Variants in ZNF638 observed in about 807,000 individuals in gnomAD.
The protein encoded by ZNF638 is CTCL tumor antigen se33-1.
A neutral mutation model predicts 195.6 loss-of-function variants in ZNF638; 46 were observed. That is an observed-to-expected ratio of 0.24 (90% CI 0.19 to 0.30). ZNF638 has a LOEUF of 0.30. ZNF638 is among the 10% of genes least tolerant of loss of function. The pLI, the probability that ZNF638 is intolerant of heterozygous loss-of-function variation, is 1.00. For synonymous variants in ZNF638, 845 were observed against 772.0 expected, an observed-to-expected ratio of 1.09 and a Z score of -1.57; for missense variants, 2,440 against 2,325.3, an observed-to-expected ratio of 1.05 and a Z score of -1.01.
chr2:71,424,241 G>T (rs1403440408), intron 22 of ZNF638, among the ~76,000 whole-genome samples: 1 of 150,528 alleles, frequency 6.6e-6, no homozygotes, highest in African/African-American at 2.5e-5. Context: ...ATAATTTATT[G>T]ACATGTTTGA....
At position 71,426,539 on chromosome 2, in the gene ZNF638, A is replaced by G. The variant is rs535880052; in HGVS notation, c.4670A>G (p.Lys1557Arg). The G allele has an allele frequency of 1.2e-6, 2 of 1,613,986 alleles. No homozygotes were observed. The highest frequency in any genetic ancestry group is 2.2e-5 in the East Asian group (1 of 44,874). ...GAAGAAGTGAATCCTTCTCAGGCCA[A>G]GCAGAATCCACTAAAGGGAAAAAGG... Reference protein sequence around the residue: ...VIEEVNPSQAKQNPLKGKRKE... With the variant: ...VIEEVNPSQARQNPLKGKRKE... The change falls in exon 24 of 28, where the codon AAG (lysine) becomes AGG (arginine). Residue 1557 changes from lysine to arginine, a missense_variant. Physicochemically the swap from Lys to Arg is conservative, Grantham distance 26. This residue lies in a region of ZNF638 where 1,883 missense variants were observed against 1,739.1 expected (regional missense o/e 1.08). Coordinates refer to ENST00000264447, the MANE Select transcript of ZNF638 (RefSeq NM_014497.5).
chr2:71,348,412 C>CT lies in ZNF638; in HGVS notation c.-202-333dup, dbSNP rs568414150. 67 of 998,068 alleles carry CT rather than the reference C, an allele frequency of 6.7e-5. No homozygotes were observed. In the Admixed American group the frequency reaches 1.0e-3, roughly 16 times the overall value. The allele number at this position is 998,068 out of a possible 1,614,324, so 61.8% of individuals were successfully genotyped here. On this transcript the variant is annotated intron_variant, in intron 1 of 27. Transcript: ENST00000264447. ...TTTATAAGTATTTTAATGCCTTCAT[C>CT]TTTTTTTTCCCCAGTATTACAGCGT...
intron 21 of ZNF638, among the ~76,000 whole-genome samples, chr2:71,419,337 T>A (rs1224153303): frequency 6.6e-6 from 1 of 152,222 alleles, no homozygotes; most frequent in Non-Finnish European, 1.5e-5. Flanking sequence ...TCCTGTATAC[T>A]GAGTCATCAA....
intron 6 of ZNF638, among the ~76,000 whole-genome samples, chr2:71,366,746 CAGTTCAGAAGTCAAATA>C (rs2079207123): frequency 6.6e-6 from 1 of 152,132 alleles, no homozygotes; most frequent in South Asian, 2.1e-4. Context: ...TTTTGTGGTA[CAGTTCAGAAGTCAAATA>C]CTCTGTTGTA....
intron 10 of ZNF638, among the ~76,000 whole-genome samples, chr2:71,385,050 A>T (rs745342246): frequency 6.6e-6 from 1 of 152,162 alleles, no homozygotes; most frequent in Non-Finnish European, 1.5e-5. Flanking sequence ...GAAATGAGAA[A>T]AGGTGGGGGA....
chr2:71,387,598 G>C (rs937785659), intron 10 of ZNF638, among the ~76,000 whole-genome samples: 1 of 152,036 alleles, frequency 6.6e-6, no homozygotes, highest in Non-Finnish European at 1.5e-5. Flanking sequence ...CTGAACCTGG[G>C]AGGTGGAGGT....
chr2:71,370,219 C>T (rs1000474022), intron 8 of ZNF638, among the ~76,000 whole-genome samples: 10 of 152,168 alleles, frequency 6.6e-5, no homozygotes, highest in African/African-American at 2.2e-4. Context: ...GGAGAAAATA[C>T]TTGCCATATA....
intron 10 of ZNF638, among the ~76,000 whole-genome samples, chr2:71,389,699 G>A (rs1194968446): frequency 2.0e-5 from 3 of 152,164 alleles, no homozygotes; most frequent in South Asian, 2.1e-4. Context: ...TTCCGAAAGC[G>A]GAAGTTCAAC....
At chr2:71,335,047 A>G (rs1247571347) in intron 1 of ZNF638, among the ~76,000 whole-genome samples, 3 of 152,242 alleles carry the variant, frequency 2.0e-5, no homozygotes, top group East Asian at 1.9e-4. Flanking sequence ...TTTAACGTAC[A>G]TTATGTTTTT....
In ZNF638 at chr2:71,364,887, C is replaced by T. The variant is rs934526909; in HGVS notation, c.1718-542C>T. Among the ~76,000 whole-genome samples, 3 of 152,176 alleles carry T rather than the reference C, an allele frequency of 2.0e-5. 1 individual carries two copies. The highest frequency in any genetic ancestry group is 4.4e-5 in the Non-Finnish European group (3 of 68,030). On this transcript the variant is annotated intron_variant, in intron 5 of 27. Coordinates refer to ENST00000264447, the MANE Select transcript of ZNF638 (RefSeq NM_014497.5). The stretch of plus-strand genomic sequence containing the variant: ...TTCTATGAGATCTCTTTTCTAATTA[C>T]ATGCCTCCATGAGGCTGGATTTTCT...
At chr2:71,408,297 C>T in intron 20 of ZNF638, 50 bp downstream of exon 20, 1 of 1,577,790 alleles carries the variant, frequency 6.3e-7, no homozygotes, top group Middle Eastern at 1.7e-4. Context: ...ATACAGAGAA[C>T]ATAAAGGTCA....
chr2:71,339,192 C>T (rs1017950781), intron 1 of ZNF638, among the ~76,000 whole-genome samples: 1 of 150,628 alleles, frequency 6.6e-6, no homozygotes, highest in Non-Finnish European at 1.5e-5. Flanking sequence ...CTCACTTGCA[C>T]CCAGGCTGGA....
intron 4 of ZNF638, among the ~76,000 whole-genome samples, chr2:71,363,684 A>G (rs965587208): frequency 6.6e-6 from 1 of 152,256 alleles, no homozygotes; most frequent in African/African-American, 2.4e-5. Flanking sequence ...GTACAGGAAA[A>G]ACCAGAGAAA....
At chr2:71,391,012 C>A (rs2079764452) in intron 10 of ZNF638, among the ~76,000 whole-genome samples, 1 of 152,180 alleles carries the variant, frequency 6.6e-6, no homozygotes, top group Non-Finnish European at 1.5e-5. Context: ...CTCTCAAGAT[C>A]CAATTTGGGT....
chr2:71,392,133 A>G (rs1354196136), intron 10 of ZNF638, among the ~76,000 whole-genome samples: 1 of 152,238 alleles, frequency 6.6e-6, no homozygotes, highest in Non-Finnish European at 1.5e-5. Context: ...AGAAATTCGA[A>G]GTAGTCTTGC....
At chr2:71,379,230 G>C (rs1262485375) in intron 8 of ZNF638, among the ~76,000 whole-genome samples, 1 of 152,204 alleles carries the variant, frequency 6.6e-6, no homozygotes, top group Non-Finnish European at 1.5e-5. Flanking sequence ...GAAAGTTACA[G>C]TAGTTCCCGT....
intron 1 of ZNF638, among the ~76,000 whole-genome samples, chr2:71,338,940 A>G (rs1341711888): frequency 3.9e-5 from 6 of 152,066 alleles, no homozygotes; most frequent in South Asian, 2.1e-4. Context: ...TATCCCTTCA[A>G]TCCTTTCTAT....
At chr2:71,376,562 A>G (rs2079429760) in intron 8 of ZNF638, among the ~76,000 whole-genome samples, 1 of 152,214 alleles carries the variant, frequency 6.6e-6, no homozygotes, top group South Asian at 2.1e-4. Flanking sequence ...TCTTGGTCCA[A>G]ATCTTGATTT....
intron 8 of ZNF638, among the ~76,000 whole-genome samples, chr2:71,372,168 C>T (rs1008025220): frequency 6.6e-6 from 1 of 152,046 alleles, no homozygotes; most frequent in African/African-American, 2.4e-5. Context: ...GGTTACATGC[C>T]ATCCCAGCCC....
Sources: gnomAD v4.1 joint callset for allele counts (sites outside exome capture counted in the v4.1 genomes callset) on GRCh38, gnomAD v4.1.1 for gene constraint, gnomAD v4.1.1 regional missense constraint, MANE v1.5 for transcripts, NCBI Gene and HGNC (gene_info 2026-07-23, HGNC 2026-07-21) for gene names.